The following NEMP1 variants were observed in gnomAD, a reference collection of about 807,000 sequenced individuals.
NEMP1 encodes nuclear envelope integral membrane protein 1, also known as transmembrane protein 194.
In NEMP1, 29 loss-of-function variants were observed where a neutral mutation model predicts 53.7. The ratio of observed to expected loss-of-function variants is 0.54; its 90% CI spans 0.40 to 0.74. The LOEUF is 0.74. Ranked by LOEUF, NEMP1 falls within the 30% of genes least tolerant of loss-of-function variation. The pLI, the probability that NEMP1 is intolerant of heterozygous loss-of-function variation, is 0.00. For missense variants in NEMP1, 477 were observed against 528.6 expected (o/e 0.90, Z 0.96); for synonymous variants, 193 against 192.9 (o/e 1.00, Z 0.00).
intron 1 of NEMP1, among the ~76,000 whole-genome samples, chr12:57,086,538 C>A (rs1388954561): frequency 6.8e-6 from 1 of 147,184 alleles, no homozygotes; most frequent in Non-Finnish European, 1.5e-5. Flanking sequence ...CCCCCCCCCC[C>A]ACACACACAC....
chr12:57,086,749 G>T (rs1364792907), intron 1 of NEMP1, among the ~76,000 whole-genome samples: 3 of 152,148 alleles, frequency 2.0e-5, no homozygotes, highest in Non-Finnish European at 4.4e-5. Flanking sequence ...CCTCTGGCGG[G>T]CCCTGACAAG....
intron 5 of NEMP1, 120 bp from the exon 6 acceptor site, chr12:57,064,305 A>G: frequency 1.6e-6 from 1 of 617,624 alleles, no homozygotes; most frequent in South Asian, 2.2e-5. Flanking sequence ...ATGCACAAAA[A>G]ACACTTCTCT....
At chr12:57,061,957 C>A (rs185680199) in intron 7 of NEMP1, among the ~76,000 whole-genome samples, 1 of 152,038 alleles carries the variant, frequency 6.6e-6, no homozygotes, top group African/African-American at 2.4e-5. Context: ...TGAGATAGCA[C>A]CACTGCACTC....
rs761552644 is a variant in NEMP1 at position 57,063,104 on chromosome 12, T to C, written c.980+15A>G. On this transcript the variant is annotated intron_variant, in intron 7 of 8. Transcript: ENST00000300128. ...ATGTACCTGTCAATATTAAGTTACA[T>C]TGCCTTTCAGTCACCTGCAGGTGAT... The C allele has an allele frequency of 1.2e-5, 19 of 1,589,778 alleles. No homozygotes were observed. The highest frequency in any genetic ancestry group is 6.6e-5 in the South Asian group (6 of 90,584).
intron 1 of NEMP1, among the ~76,000 whole-genome samples, chr12:57,074,852 C>T (rs2032526293): frequency 6.6e-6 from 1 of 152,108 alleles, no homozygotes; most frequent in African/African-American, 2.4e-5. Flanking sequence ...CTTGGGGAGG[C>T]CAAGGCAGAC....
chr12:57,060,028 G>C lies in NEMP1; in HGVS notation c.1186C>G (p.Leu396Val). The C allele has an allele frequency of 6.2e-7, 1 of 1,613,950 alleles. No individual in the cohort carries two copies. The change falls in exon 9 of 9, where the codon CTC (leucine) becomes GTC (valine). Residue 396 changes from leucine (L) to valine (V), a missense_variant. Transcript: ENST00000300128. ...FADFVEGSSH[L>V]TPNEVSVHEQ... is the part of the protein sequence containing the mutation. ...TGGACAGAAACTTCATTTGGCGTGA[G>C]GTGGGAAGAGCCTTCCACAAAGTCA...
Position 57,058,923 on chromosome 12 carries a change from G to A in NEMP1, c.*956C>T, listed in dbSNP as rs562494531. 2.5e-4 allele frequency: 38 copies of A among 152,280 alleles called. No homozygotes were observed. The highest frequency in any genetic ancestry group is 8.9e-4 in the African/African-American group (37 of 41,544). The allele number at this position is 152,280 out of a possible 1,614,324, so 9.4% of individuals were successfully genotyped here. On this transcript the variant is annotated 3_prime_UTR_variant, in exon 9 of 9. Transcript: ENST00000300128. ...AACATGACCCAATGACAGGAAAATG[G>A]AGAACGTATAAAAAGCATCCAAATC...
At chr12:57,072,743 G>A in intron 2 of NEMP1, 45 bp downstream of exon 2, 1 of 1,553,740 alleles carries the variant, frequency 6.4e-7, no homozygotes, top group Non-Finnish European at 8.7e-7. Context: ...ATCACCAACA[G>A]AAATTTACAG....
rs1332405901 is a variant in NEMP1 at position 57,056,757 on chromosome 12, G to T, written c.*3122C>A. 6.6e-6 allele frequency: 1 copy of T among 152,080 alleles called. No individual in the cohort carries two copies. The highest frequency in any genetic ancestry group is 1.9e-4 in the East Asian group (1 of 5,194). 9.4% of individuals were successfully genotyped at this position (152,080 alleles called of 1,614,324 possible). A position where few individuals can be genotyped will look rare whatever the true frequency, so the allele number is the denominator to read the frequency against. ...TTTTATGGATATCAGGGCCTGGGGGGACTATCTGGCCTATTTGGGTTCTTT... is the reference window on the plus strand; with the variant it reads ...TTTTATGGATATCAGGGCCTGGGGGTACTATCTGGCCTATTTGGGTTCTTT... On this transcript the variant is annotated 3_prime_UTR_variant, in exon 9 of 9. Coordinates refer to ENST00000300128, the MANE Select transcript of NEMP1 (RefSeq NM_001130963.2).
chr12:57,068,588 T>C (rs567750682), intron 4 of NEMP1, among the ~76,000 whole-genome samples: 3 of 152,132 alleles, frequency 2.0e-5, no homozygotes, highest in Non-Finnish European at 2.9e-5. Context: ...TTTTTTGAGA[T>C]GGAGTCTTGC....
rs369310422 is a variant in NEMP1, at chr12:57,059,955, T to C, written c.1259A>G (p.Tyr420Cys). Residue 420 changes from tyrosine (Y) to cysteine (C), a missense_variant, in exon 9 of 9, where the codon TAT (tyrosine) becomes TGT (cysteine). Physicochemically the swap from Tyr to Cys is radical, Grantham distance 194. Coordinates refer to ENST00000300128, the MANE Select transcript of NEMP1 (RefSeq NM_001130963.2). The part of the protein sequence containing the change: ...LGSIIAQDEI[Y>C]EEASSEEEDS... ...CTCCTCCTCAGAGGATGCTTCCTCA[T>C]AGATTTCATCCTGGGCAATAATGCT... 12 of 1,613,738 alleles carry C rather than the reference T, an allele frequency of 7.4e-6. No individual in the cohort carries two copies. In the African/African-American group the frequency reaches 1.1e-4, roughly 14 times the overall value.
rs1212252525 is a variant in NEMP1 at position 57,057,951 on chromosome 12, G to C, written c.*1928C>G. 1 of 152,078 alleles carries C rather than the reference G, an allele frequency of 6.6e-6. No individual in the cohort carries two copies. Among genetic ancestry groups the C allele is most frequent in the African/African-American group, 2.4e-5 (1 of 41,386 alleles). 9.4% of individuals were successfully genotyped at this position (152,078 alleles called of 1,614,324 possible). ...ATAAACTTATGCTTAAATATGCTAG[G>C]TCTCAATTTCTATAAATAAGGTAAA... On this transcript the variant is annotated 3_prime_UTR_variant, in exon 9 of 9. Transcript: ENST00000300128.
Position 57,078,001 on chromosome 12 carries a change from GA to G in NEMP1, c.127+617del, listed in dbSNP as rs1565666617. 5.9e-5 allele frequency among the ~76,000 whole-genome samples: 9 copies of G among 152,016 alleles called. No individual in the cohort carries two copies. In the South Asian group the frequency reaches 1.9e-3, roughly 32 times the overall value. On this transcript the variant is annotated intron_variant, in intron 1 of 8. Transcript: ENST00000300128. ...GGAGGCTGAAGCAGGAGAATTGCTT[GA>G]ACCCAGGAGGCGGAGGTTGCAGTGA...
chr12:57,087,951 C>T (rs972474656), exon 1 of NEMP1: 1 of 152,298 alleles, frequency 6.6e-6, no homozygotes, highest in Non-Finnish European at 1.5e-5. Flanking sequence ...CAATGCGAAC[C>T]AGATGGGGCT....
At position 57,063,275 on chromosome 12, in the gene NEMP1, C is replaced by T. The variant is rs767459890; in HGVS notation, c.824G>A (p.Arg275Gln). The T allele has an allele frequency of 5.0e-6, 8 of 1,614,024 alleles. No homozygotes were observed. Among genetic ancestry groups the T allele is most frequent in the South Asian group, 2.2e-5 (2 of 91,080 alleles). Residue 275 changes from arginine to glutamine, a missense_variant, in exon 7 of 9, where the codon CGA becomes CAA. Coordinates refer to ENST00000300128, the MANE Select transcript of NEMP1 (RefSeq NM_001130963.2). ...CYKYGPLENERSINLLTWTLQ... is the reference protein window; with the variant it reads ...CYKYGPLENEQSINLLTWTLQ... ...GGTCCAGGTCAGCAGGTTGATACTT[C>T]GTTCATTCTCCAAGGGCCCATACTT... is the stretch of plus-strand genomic sequence containing the variant.
Position 57,059,853 on chromosome 12 carries a change from T to G in NEMP1, c.*26A>C, listed in dbSNP as rs114766584. On this transcript the variant is annotated 3_prime_UTR_variant, in exon 9 of 9. Transcript: ENST00000300128. ...AACATGGACCAAGGCACCAAGCCAG[T>G]CCACGTAAAGATAACTGACCACTAC... is the stretch of plus-strand genomic sequence containing the variant. 28 of 1,606,310 alleles carry G rather than the reference T, an allele frequency of 1.7e-5. No individual in the cohort carries two copies. In the African/African-American group the frequency reaches 3.5e-4, roughly 20 times the overall value.
chr12:57,056,304 G>C lies in NEMP1; in HGVS notation c.*3575C>G, dbSNP rs2031520147. The C allele has an allele frequency of 6.6e-6, 1 of 151,702 alleles. No homozygotes were observed. The highest frequency in any genetic ancestry group is 6.6e-5 in the Admixed American group (1 of 15,234). The allele number at this position is 151,702 out of a possible 1,614,324, so 9.4% of individuals were successfully genotyped here. On this transcript the variant is annotated 3_prime_UTR_variant, in exon 9 of 9. Transcript: ENST00000300128. ...CTTAAGTCACCAAAAGACATCACTG[G>C]GTCATAATTATATAGGTTCCCCTAA... is the stretch of plus-strand genomic sequence containing the variant.
chr12:57,056,908 C>G lies in NEMP1; in HGVS notation c.*2971G>C, dbSNP rs1014861400. The G allele has an allele frequency of 1.3e-5, 2 of 152,112 alleles. No individual in the cohort carries two copies. Among genetic ancestry groups the G allele is most frequent in the Admixed American group, 1.3e-4 (2 of 15,270 alleles). 9.4% of individuals were successfully genotyped at this position (152,112 alleles called of 1,614,324 possible). A position where few individuals can be genotyped will look rare whatever the true frequency, so the allele number is the denominator to read the frequency against. On this transcript the variant is annotated 3_prime_UTR_variant, in exon 9 of 9. Transcript: ENST00000300128. ...ACAGTGGGACCCAAAGAGCTATCAG[C>G]AAAATTCCCTTTGTAACAGACGTAA...
intron 1 of NEMP1, 126 bp downstream of exon 1, chr12:57,078,493 G>C: frequency 7.6e-7 from 1 of 1,316,022 alleles, no homozygotes; most frequent in African/African-American, 1.5e-5. Context: ...ACCACACTAC[G>C]CCGGCGGCCC....
Sources: gnomAD v4.1 joint callset for allele counts (sites outside exome capture counted in the v4.1 genomes callset) on GRCh38, gnomAD v4.1.1 for gene constraint, MANE v1.5 for transcripts, NCBI Gene and HGNC (gene_info 2026-07-23, HGNC 2026-07-21) for gene names.